The following IQGAP1 variants were observed in gnomAD, a reference collection of about 807,000 sequenced individuals.
The protein encoded by IQGAP1 is ras GTPase-activating-like protein IQGAP1.
Under a neutral mutation model 215.6 loss-of-function variants are expected in IQGAP1, and 66 were observed. The ratio of observed to expected loss-of-function variants is 0.31; its 90% CI spans 0.25 to 0.38. IQGAP1 has a LOEUF of 0.38. IQGAP1 is among the 10% of genes least tolerant of loss of function. IQGAP1 has a pLI of 1.00. For synonymous variants in IQGAP1, 772 were observed against 728.7 expected (o/e 1.06, Z -0.96); for missense variants, 1,712 against 1,997.1 (o/e 0.86, Z 2.72).
At chr15:90,399,179 C>A (rs1964771080) in intron 2 of IQGAP1, among the ~76,000 whole-genome samples, 1 of 151,392 alleles carries the variant, frequency 6.6e-6, no homozygotes, top group African/African-American at 2.4e-5. Context: ...CCAGGCTGGT[C>A]TTCATCTCCT....
At chr15:90,482,384 A>G (rs1215308517) in intron 28 of IQGAP1, 103 bp downstream of exon 28, 7 of 1,058,372 alleles carry the variant, frequency 6.6e-6, no homozygotes, top group Non-Finnish European at 1.0e-5. Context: ...AGGTTCTGGC[A>G]GTAGCTTACC....
rs1238053276 is a variant in IQGAP1 at position 90,472,957 on chromosome 15, C to T, written c.2296C>T (p.Arg766Ter). ...TGGATACTTAGTTCGACAGGAATTC[C>T]GATCCAGGATGAATTTCCTGAAGAA... is the stretch of plus-strand genomic sequence containing the variant. ...CRGYLVRQEF[R>*]SRMNFLKKQI... Residue 766 changes from arginine (R) to a stop codon, truncating the protein, a stop_gained, in exon 19 of 38, where the codon CGA (arginine) becomes TGA (stop). Transcript: ENST00000268182. LOFTEE classifies it high-confidence loss of function. The T allele has an allele frequency of 5.0e-6, 8 of 1,613,988 alleles. No homozygotes were observed. The highest frequency in any genetic ancestry group is 1.1e-5 in the South Asian group (1 of 91,062).
At chr15:90,489,209 A>G (rs528816424) in intron 33 of IQGAP1, among the ~76,000 whole-genome samples, 1 of 149,506 alleles carries the variant, frequency 6.7e-6, no homozygotes, top group Admixed American at 6.7e-5. Context: ...GCTCACTGCA[A>G]CCTCCGCCTC....
intron 2 of IQGAP1, among the ~76,000 whole-genome samples, chr15:90,406,107 A>T (rs1964874099): frequency 1.3e-5 from 2 of 152,366 alleles, no homozygotes; most frequent in South Asian, 4.1e-4. Context: ...AAAGGAAAAG[A>T]TAAATATGAC....
chr15:90,389,873 T>C (rs922472639), intron 1 of IQGAP1, among the ~76,000 whole-genome samples: 1 of 150,590 alleles, frequency 6.6e-6, no homozygotes, highest in Non-Finnish European at 1.5e-5. Context: ...GAGGATCATT[T>C]GAGCCCAGAA....
chr15:90,392,622 C>G lies in IQGAP1; in HGVS notation c.155+1749C>G, dbSNP rs530196056. Among the ~76,000 whole-genome samples, 28 of 152,282 alleles carry G rather than the reference C, an allele frequency of 1.8e-4. No individual in the cohort carries two copies. The South Asian group carries it at 5.2e-3, about 28-fold the overall frequency. On this transcript the variant is annotated intron_variant, in intron 2 of 37. Coordinates refer to ENST00000268182, the MANE Select transcript of IQGAP1 (RefSeq NM_003870.4). ...GAGGGTGTTTTGGCTAACACCTCCC[C>G]TCCCCCAAACACTACCAATAACTAG...
At chr15:90,414,157 T>C (rs1965009908) in intron 2 of IQGAP1, among the ~76,000 whole-genome samples, 2 of 151,922 alleles carry the variant, frequency 1.3e-5, no homozygotes, top group South Asian at 4.2e-4. Flanking sequence ...TTCTTACACT[T>C]CTAGAAAAAG....
At chr15:90,409,235 CTTTT>C (rs138296381) in intron 2 of IQGAP1, among the ~76,000 whole-genome samples, 5 of 118,448 alleles carry the variant, frequency 4.2e-5, no homozygotes, top group Non-Finnish European at 6.8e-5. Context: ...CCTATATTCA[CTTTT>C]TTTTTTTTTT....
At chr15:90,414,883 T>C (rs1278894800) in intron 2 of IQGAP1, among the ~76,000 whole-genome samples, 1 of 152,250 alleles carries the variant, frequency 6.6e-6, no homozygotes, top group Admixed American at 6.5e-5. Context: ...CTCCGGCTTT[T>C]GTGGGTGTCC....
At position 90,501,002 on chromosome 15, in the gene IQGAP1, A is replaced by C. The variant is rs1461684573; in HGVS notation, c.*894A>C. 6.6e-6 allele frequency: 1 copy of C among 152,622 alleles called. No homozygotes were observed. Among genetic ancestry groups the C allele is most frequent in the Non-Finnish European group, 1.5e-5 (1 of 68,032 alleles). 9.5% of individuals were successfully genotyped at this position (152,622 alleles called of 1,614,324 possible). ...TTAAGAGTGCCTTATTAAAGTATAG[A>C]TGTATGTCTTAAAATGTGGGTGATA... On this transcript the variant is annotated 3_prime_UTR_variant, in exon 38 of 38. Transcript: ENST00000268182.
rs764688650 is a variant in IQGAP1, at chr15:90,472,915, C to G, written c.2254C>G (p.Leu752Val). The change falls in exon 19 of 38, where the codon CTG becomes GTG. Residue 752 changes from leucine (L) to valine (V), a missense_variant. Physicochemically the swap from Leu to Val is conservative, Grantham distance 32 (BLOSUM62 1). Around this residue, in one of 2 missense-constraint regions of IQGAP1, gnomAD observed 1,021 missense variants for 1,074.2 expected, o/e 0.95. Transcript: ENST00000268182. ...GGCCAATGAAGGCCTGATCACCAGG[C>G]TGCAGGCTCGCTGCCGTGGATACTT... ...WLANEGLITR[L>V]QARCRGYLVR... 12 of 1,613,906 alleles carry G rather than the reference C, an allele frequency of 7.4e-6. No individual in the cohort carries two copies. The highest frequency in any genetic ancestry group is 1.7e-5 in the Admixed American group (1 of 59,974).
At chr15:90,481,498 G>A (rs185724973) in intron 26 of IQGAP1, among the ~76,000 whole-genome samples, 15 of 152,072 alleles carry the variant, frequency 9.9e-5, no homozygotes, top group Admixed American at 8.5e-4. Context: ...CATTTCTCCT[G>A]TCTCCCCTTC....
intron 2 of IQGAP1, among the ~76,000 whole-genome samples, chr15:90,401,305 C>G (rs1964801286): frequency 1.3e-5 from 2 of 152,084 alleles, no homozygotes; most frequent in African/African-American, 4.8e-5. Flanking sequence ...TAAGAGTTTA[C>G]TTGCTGAAGT....
At chr15:90,428,362 C>T (rs936684861) in intron 3 of IQGAP1, among the ~76,000 whole-genome samples, 1 of 152,118 alleles carries the variant, frequency 6.6e-6, no homozygotes, top group Admixed American at 6.5e-5. Context: ...CAGGCATGAG[C>T]CACTGTGCCC....
chr15:90,389,484 C>T (rs1964604349), intron 1 of IQGAP1, among the ~76,000 whole-genome samples: 1 of 151,844 alleles, frequency 6.6e-6, no homozygotes, highest in Non-Finnish European at 1.5e-5. Context: ...AGGCGTCGGC[C>T]ACCACACTGG....
intron 2 of IQGAP1, among the ~76,000 whole-genome samples, chr15:90,405,771 CTT>C (rs1165777887): frequency 1.3e-5 from 2 of 148,926 alleles, no homozygotes; most frequent in African/African-American, 5.0e-5. Context: ...TTTGCGAACA[CTT>C]TTTTTTCTAT....
chr15:90,451,982 A>C (rs1201986533), intron 11 of IQGAP1, among the ~76,000 whole-genome samples: 1 of 152,086 alleles, frequency 6.6e-6, no homozygotes, highest in Non-Finnish European at 1.5e-5. Context: ...GGCACGTGCC[A>C]CCACACCTAG....
intron 36 of IQGAP1, 103 bp downstream of exon 36, chr15:90,494,938 T>C (rs1966252026): frequency 1.3e-6 from 1 of 759,044 alleles, no homozygotes; most frequent in African/African-American, 1.8e-5. Flanking sequence ...TTACTTTTAG[T>C]ATTTTTTATG....
At chr15:90,406,083 G>A (rs536913928) in intron 2 of IQGAP1, among the ~76,000 whole-genome samples, 1 of 152,150 alleles carries the variant, frequency 6.6e-6, no homozygotes, top group Non-Finnish European at 1.5e-5. Flanking sequence ...GGGTGCAAAT[G>A]TACTAATTAT....
Sources: gnomAD v4.1 joint callset for allele counts (sites outside exome capture counted in the v4.1 genomes callset) on GRCh38, gnomAD v4.1.1 for gene constraint, gnomAD v4.1.1 regional missense constraint, MANE v1.5 for transcripts, NCBI Gene and HGNC (gene_info 2026-07-23, HGNC 2026-07-21) for gene names.